KIF24: variants seen among roughly 807,000 people sequenced by gnomAD.
The protein encoded by KIF24 is kinesin-like protein KIF24.
A neutral mutation model predicts 118.9 loss-of-function variants in KIF24; 81 were observed. The observed-to-expected ratio is 0.68, with a 90% CI of 0.57 to 0.82. The LOEUF (loss-of-function observed/expected upper bound fraction) is 0.82. KIF24 is among the 40% of genes least tolerant of loss of function. The pLI is 0.00. For synonymous variants in KIF24, 599 were observed against 610.0 expected (o/e 0.98, Z 0.27); for missense variants, 1,560 against 1,661.6 (o/e 0.94, Z 1.06).
intron 1 of KIF24, among the ~76,000 whole-genome samples, chr9:34,321,826 G>A (rs1035421007): frequency 2.6e-5 from 4 of 151,378 alleles, no homozygotes; most frequent in Admixed American, 1.3e-4. Flanking sequence ...AGGCTGGTCT[G>A]GAACTCCTGG....
At chr9:34,317,135 T>C (rs1837354119) in intron 1 of KIF24, among the ~76,000 whole-genome samples, 1 of 152,012 alleles carries the variant, frequency 6.6e-6, no homozygotes, top group African/African-American at 2.4e-5. Context: ...GGAGAATCAC[T>C]TGTACCGGGA....
chr9:34,262,658 A>AT (rs1196284634), intron 9 of KIF24, among the ~76,000 whole-genome samples: 28 of 35,388 alleles, frequency 7.9e-4, no homozygotes, highest in Non-Finnish European at 1.1e-3. Context: ...AAAAAAAAAA[A>AT]AAAAAAAAAA....
At chr9:34,322,355 G>A (rs1320840110) in intron 1 of KIF24, among the ~76,000 whole-genome samples, 1 of 151,768 alleles carries the variant, frequency 6.6e-6, no homozygotes, top group East Asian at 1.9e-4. Flanking sequence ...TCTAGCCCTA[G>A]ACAAACACTA....
intron 8 of KIF24, among the ~76,000 whole-genome samples, chr9:34,264,972 G>A (rs897886369): frequency 1.1e-4 from 16 of 152,260 alleles, no homozygotes; most frequent in Non-Finnish European, 1.9e-4. Context: ...TGACAAAAGC[G>A]AAGTGCAAAA....
intron 3 of KIF24, among the ~76,000 whole-genome samples, chr9:34,302,782 T>C (rs1204469347): frequency 6.7e-6 from 1 of 149,880 alleles, no homozygotes; most frequent in African/African-American, 2.5e-5. Flanking sequence ...CTAATTTTTT[T>C]TTTTTTTTTC....
Position 34,254,458 on chromosome 9 carries a change from C to A in KIF24, c.4029G>T (p.Gln1343His), listed in dbSNP as rs1463567689. Residue 1343 changes from glutamine to histidine, a missense_variant, in exon 13 of 13, where the codon CAG (glutamine) becomes CAT (histidine). By Grantham distance (24) the Gln-to-His change is conservative (BLOSUM62 0). Coordinates refer to ENST00000402558, the MANE Select transcript of KIF24 (RefSeq NM_194313.4). ...EIMVLKSKCI[Q>H]SLRSQLQLYL... Reference sequence around the variant, plus strand: ...AGAGCTGCAGCTGGCTCCTCAGACTCTGGATACACTTGGATTTCAGAACCA... The same window carrying A: ...AGAGCTGCAGCTGGCTCCTCAGACTATGGATACACTTGGATTTCAGAACCA... The A allele has an allele frequency of 4.2e-5, 67 of 1,613,828 alleles. 2 individuals carry two copies. The South Asian group carries it at 7.2e-4, about 17-fold the overall frequency.
In KIF24 at chr9:34,256,223, T is replaced by C; in HGVS notation, c.3384A>G (p.Pro1128=). The change falls in exon 11 of 13, where the codon CCA becomes CCG. Residue 1128 remains proline, a synonymous_variant. Transcript: ENST00000402558. ...GACGGATGGGTGATGGGGACAGAGCTGGAAGATCACCACCAGGCTTATTAT... is the reference window on the plus strand; with the variant it reads ...GACGGATGGGTGATGGGGACAGAGCCGGAAGATCACCACCAGGCTTATTAT... The part of the protein sequence containing the change: ...PPDNKPGGDL[P]ALSPSPIRQH... 1.2e-6 allele frequency: 2 copies of C among 1,603,416 alleles called. No homozygotes were observed. Among genetic ancestry groups the C allele is most frequent in the South Asian group, 1.1e-5 (1 of 89,428 alleles).
chr9:34,306,989 C>A (rs1380071607), intron 2 of KIF24, among the ~76,000 whole-genome samples: 1 of 152,038 alleles, frequency 6.6e-6, no homozygotes, highest in East Asian at 1.9e-4. Flanking sequence ...CAAAAAACCC[C>A]TAAGAGATCA....
rs1316072620 is a variant in KIF24, at chr9:34,253,437, C to G, written c.*943G>C. On this transcript the variant is annotated 3_prime_UTR_variant, in exon 13 of 13. Coordinates refer to ENST00000402558, the MANE Select transcript of KIF24 (RefSeq NM_194313.4). ...GAAGGTTTGTGTGTGAATTCTGTTT[C>G]AGAGGCCTCAGACTGTTGAACAGAG... 2 of 152,208 alleles carry G rather than the reference C, an allele frequency of 1.3e-5. No homozygotes were observed. Among genetic ancestry groups the G allele is most frequent in the African/African-American group, 4.8e-5 (2 of 41,426 alleles). The allele number at this position is 152,208 out of a possible 1,614,324, so 9.4% of individuals were successfully genotyped here. A position where few individuals can be genotyped will look rare whatever the true frequency, so the allele number is the denominator to read the frequency against.
chr9:34,294,043 C>T (rs1349506593), intron 4 of KIF24, among the ~76,000 whole-genome samples: 1 of 152,116 alleles, frequency 6.6e-6, no homozygotes, highest in Non-Finnish European at 1.5e-5. Context: ...CAGATTATTG[C>T]AGCCTTGATC....
chr9:34,332,070 A>G (rs748684664), upstream of KIF24, among the ~76,000 whole-genome samples: 7 of 152,230 alleles, frequency 4.6e-5, no homozygotes, highest in Non-Finnish European at 1.0e-4. Context: ...CTCTGCCTCC[A>G]ATCTGTCCTA....
intron 11 of KIF24, 113 bp from the exon 12 acceptor site, chr9:34,255,278 C>A: frequency 3.0e-6 from 2 of 667,618 alleles, no homozygotes; most frequent in South Asian, 1.8e-5. Flanking sequence ...CGAAAATGGT[C>A]AAGGTTTTCA....
upstream of KIF24, among the ~76,000 whole-genome samples, chr9:34,332,533 A>C (rs1351162476): frequency 1.3e-5 from 2 of 152,184 alleles, no homozygotes; most frequent in Non-Finnish European, 2.9e-5. Context: ...AAATTCCCCG[A>C]GTTAGCTTTC....
At chr9:34,319,431 G>T in intron 1 of KIF24, 1 of 1,039,768 alleles carries the variant, frequency 9.6e-7, no homozygotes, top group Non-Finnish European at 1.5e-6. Context: ...ACACAAGAAG[G>T]ACCTGTACCT....
At position 34,318,461 on chromosome 9, in the gene KIF24, G is replaced by A. The variant is rs896239919; in HGVS notation, c.-25-7090C>T. ...CCTCCTGGCGGTGGCCTTGGCGACC[G>A]AGGTGAAGAAACCTGCAGCCACAGC... On this transcript the variant is annotated intron_variant, in intron 1 of 12. Transcript: ENST00000402558. This position sits in a 1 kb window ranked among gnomAD's most constrained non-coding sequence, Gnocchi z 4.9. 42 of 750,298 alleles carry A rather than the reference G, an allele frequency of 5.6e-5. No homozygotes were observed. The highest frequency in any genetic ancestry group is 9.1e-5 in the Non-Finnish European group (39 of 427,582). 46.5% of individuals were successfully genotyped at this position (750,298 alleles called of 1,614,324 possible).
chr9:34,299,155 C>T (rs1213480035), intron 3 of KIF24, among the ~76,000 whole-genome samples: 4 of 151,602 alleles, frequency 2.6e-5, no homozygotes, highest in African/African-American at 4.8e-5. Flanking sequence ...CCCAACTATA[C>T]GTATATAATA....
intron 1 of KIF24, among the ~76,000 whole-genome samples, chr9:34,320,370 A>G (rs1396941790): frequency 6.6e-6 from 1 of 151,308 alleles, no homozygotes; most frequent in Non-Finnish European, 1.5e-5. Flanking sequence ...GAAATAGGCT[A>G]TAACCAGCCA....
rs2131666242 is a variant in KIF24 at position 34,257,702 on chromosome 9, C to T, written c.1905G>A (p.Gly635=). Residue 635 remains glycine (G), a synonymous_variant, in exon 11 of 13, where the codon GGG becomes GGA. Coordinates refer to ENST00000402558, the MANE Select transcript of KIF24 (RefSeq NM_194313.4). ...GAATGACCCACTCTTGTGAAGGACT[C>T]CCTCTGGAGCCACCCCTTTTACCAG... ...KVSGKRGGSR[G]SPSQEWVIHA... The T allele has an allele frequency of 6.2e-7, 1 of 1,614,040 alleles. No homozygotes were observed. The highest frequency in any genetic ancestry group is 2.2e-5 in the East Asian group (1 of 44,890).
intron 10 of KIF24, 53 bp from the exon 11 acceptor site, chr9:34,258,034 C>T (rs1328219853): frequency 1.5e-6 from 2 of 1,339,880 alleles, no homozygotes; most frequent in Admixed American, 2.2e-5. Context: ...TCTGCAATTC[C>T]TTTTCTATAG....
Sources: gnomAD v4.1 joint callset for allele counts (sites outside exome capture counted in the v4.1 genomes callset) on GRCh38, gnomAD v4.1.1 for gene constraint, Gnocchi (gnomAD v3.1) non-coding constraint, MANE v1.5 for transcripts, NCBI Gene and HGNC (gene_info 2026-07-23, HGNC 2026-07-21) for gene names.